NDUFAF5: variants seen among roughly 807,000 people sequenced by gnomAD.
The protein encoded by NDUFAF5 is NADH:ubiquinone oxidoreductase complex assembly factor 5, also known as arginine-hydroxylase NDUFAF5, mitochondrial.
A neutral mutation model predicts 48.9 loss-of-function variants in NDUFAF5; 34 were observed. The ratio of observed to expected loss-of-function variants is 0.70; its 90% CI spans 0.53 to 0.93. NDUFAF5 has a LOEUF of 0.93. Among genes scored for constraint, NDUFAF5 ranks in the 40% least tolerant of loss-of-function variants. The pLI is 0.00. For synonymous variants in NDUFAF5, 153 were observed against 150.6 expected (o/e 1.02, Z -0.12); for missense variants, 428 against 427.5 (o/e 1.00, Z -0.01).
chr20:13,800,902 C>T (rs923038298), intron 6 of NDUFAF5, among the ~76,000 whole-genome samples: 8 of 152,190 alleles, frequency 5.3e-5, no homozygotes, highest in African/African-American at 1.9e-4. Flanking sequence ...TCTCCTCCTC[C>T]TCTAGGCTAG....
intron 8 of NDUFAF5, among the ~76,000 whole-genome samples, chr20:13,814,858 G>A (rs973110539): frequency 3.9e-5 from 6 of 152,166 alleles, no homozygotes; most frequent in African/African-American, 1.2e-4. Context: ...CCAAAGTCCA[G>A]ATTCTTTCCA....
At chr20:13,812,489 A>G (rs1055912091) in intron 8 of NDUFAF5, among the ~76,000 whole-genome samples, 1 of 152,192 alleles carries the variant, frequency 6.6e-6, no homozygotes, top group African/African-American at 2.4e-5. Context: ...TACAGCATTT[A>G]TTTTTGTTCT....
Position 13,820,645 on chromosome 20 carries a change from C to T in NDUFAF5, c.*3435C>T, listed in dbSNP as rs1263334558. On this transcript the variant is annotated 3_prime_UTR_variant, in exon 11 of 11. Transcript: ENST00000378106. Reference sequence around the variant, plus strand: ...GGAGGTCAAGGCTGCAGCAAGCTGTCGCACCACTGCACTCTAGCCTGGGCA... The same window carrying T: ...GGAGGTCAAGGCTGCAGCAAGCTGTTGCACCACTGCACTCTAGCCTGGGCA... 1.3e-5 allele frequency: 2 copies of T among 151,654 alleles called. No homozygotes were observed. The highest frequency in any genetic ancestry group is 2.9e-5 in the Non-Finnish European group (2 of 68,008). The allele number at this position is 151,654 out of a possible 1,614,324, so 9.4% of individuals were successfully genotyped here. A position where few individuals can be genotyped will look rare whatever the true frequency, so the allele number is the denominator to read the frequency against.
intron 7 of NDUFAF5, among the ~76,000 whole-genome samples, chr20:13,802,681 A>G (rs996734487): frequency 6.8e-6 from 1 of 147,174 alleles, no homozygotes; most frequent in African/African-American, 2.4e-5. Flanking sequence ...CAAAAAAAAA[A>G]AAAAAAAAAG....
At chr20:13,797,272 G>A (rs900668974) in intron 5 of NDUFAF5, among the ~76,000 whole-genome samples, 13 of 152,140 alleles carry the variant, frequency 8.5e-5, no homozygotes, top group African/African-American at 1.4e-4. Flanking sequence ...GAAAACTTAC[G>A]TCCACGCAAA....
rs1481144842 is a variant in NDUFAF5, at chr20:13,817,709, G to T, written c.*499G>T. 2.0e-5 allele frequency: 9 copies of T among 453,872 alleles called. No individual in the cohort carries two copies. The highest frequency in any genetic ancestry group is 4.0e-5 in the Non-Finnish European group (9 of 226,790). The allele number at this position is 453,872 out of a possible 1,614,324, so 28.1% of individuals were successfully genotyped here. ...TCTTTTTTATCTCCATGGTGTGGGTGGGACCACCATGGTTTTACACCCCAC... is the reference window on the plus strand; with the variant it reads ...TCTTTTTTATCTCCATGGTGTGGGTTGGACCACCATGGTTTTACACCCCAC... On this transcript the variant is annotated 3_prime_UTR_variant, in exon 11 of 11. Coordinates refer to ENST00000378106, the MANE Select transcript of NDUFAF5 (RefSeq NM_024120.5).
At chr20:13,808,465 T>C (rs1407136666) in intron 7 of NDUFAF5, among the ~76,000 whole-genome samples, 5 of 152,166 alleles carry the variant, frequency 3.3e-5, no homozygotes, top group African/African-American at 1.2e-4. Flanking sequence ...AAGATTGATA[T>C]TGACACTGTC....
Position 13,785,113 on chromosome 20 carries a change from GGC to G in NDUFAF5, c.47_48del (p.Ala16GlyfsTer11). 1 of 1,613,660 alleles carries G rather than the reference GGC, an allele frequency of 6.2e-7. No homozygotes were observed. The highest frequency in any genetic ancestry group is 1.1e-5 in the South Asian group (1 of 91,068). On this transcript the variant is annotated frameshift_variant, in exon 1 of 11. Transcript: ENST00000378106. LOFTEE classifies it high-confidence loss of function. ...TCTGGCGCTTATGTCGGCGACCTTG[GGC>G]GGCGAGGGTCCCAGCGGAGAATCTT... ...GLWRLCRRPW[A>X]ARVPAENLGR...
intron 5 of NDUFAF5, 43 bp downstream of exon 5, chr20:13,794,984 C>G: frequency 7.4e-7 from 1 of 1,353,204 alleles, no homozygotes; most frequent in Non-Finnish European, 1.1e-6. Flanking sequence ...ATAAACAGAT[C>G]ATTCTTGCCA....
intron 1 of NDUFAF5, among the ~76,000 whole-genome samples, chr20:13,786,573 C>G (rs188229989): frequency 7.2e-5 from 11 of 152,142 alleles, no homozygotes; most frequent in African/African-American, 2.2e-4. Context: ...AAAACATCTA[C>G]GCTCCCTTCT....
Position 13,788,571 on chromosome 20 carries a change from C to CT in NDUFAF5, c.264-17dup, listed in dbSNP as rs764089078. 4 of 1,593,802 alleles carry CT rather than the reference C, an allele frequency of 2.5e-6. No individual in the cohort carries two copies. The South Asian group carries it at 4.4e-5, about 18-fold the overall frequency. On this transcript the variant is annotated splice_polypyrimidine_tract_variant and intron_variant, in intron 2 of 10. Transcript: ENST00000378106. ...CTGTGTTATGGACAGAGCATAACCT[C>CT]TGTGTCTTTTTTTTTAGAAATTTCC...
rs75521127 is a variant in NDUFAF5, at chr20:13,810,211, G to A, written c.778+1309G>A. Among the ~76,000 whole-genome samples the A allele has an allele frequency of 5.1e-3, 772 of 152,294 alleles. 5 individuals carry two copies. Among genetic ancestry groups the A allele is most frequent in the African/African-American group, 0.017 (715 of 41,562 alleles). ...TGGCTTGGTACTGAGGCTTTAGCAG[G>A]TGGGTAGTCGACGTCTGAGCCTACA... On this transcript the variant is annotated intron_variant, in intron 8 of 10. Transcript: ENST00000378106.
intron 8 of NDUFAF5, among the ~76,000 whole-genome samples, chr20:13,813,233 A>G (rs970266132): frequency 3.3e-5 from 5 of 152,314 alleles, no homozygotes; most frequent in Middle Eastern, 6.8e-3. Flanking sequence ...TACAGGTGTG[A>G]GTCTCCTAAA....
intron 8 of NDUFAF5, among the ~76,000 whole-genome samples, chr20:13,813,750 G>T (rs185455051): frequency 3.0e-4 from 45 of 152,280 alleles, no homozygotes; most frequent in Non-Finnish European, 2.4e-4. Context: ...GTGGGTTGAG[G>T]TTTAGGGGAG....
At chr20:13,786,027 A>G (rs1981034954) in intron 1 of NDUFAF5, among the ~76,000 whole-genome samples, 1 of 152,174 alleles carries the variant, frequency 6.6e-6, no homozygotes, top group African/African-American at 2.4e-5. Context: ...TTTTAGGAAG[A>G]TCAAATTAAG....
Position 13,817,456 on chromosome 20 carries a change from A to T in NDUFAF5, c.*246A>T. 1 of 612,216 alleles carries T rather than the reference A, an allele frequency of 1.6e-6. No individual in the cohort carries two copies. Among genetic ancestry groups the T allele is most frequent in the Non-Finnish European group, 3.0e-6 (1 of 330,672 alleles). 37.9% of individuals were successfully genotyped at this position (612,216 alleles called of 1,614,324 possible). A position where few individuals can be genotyped will look rare whatever the true frequency, so the allele number is the denominator to read the frequency against. On this transcript the variant is annotated 3_prime_UTR_variant, in exon 11 of 11. Transcript: ENST00000378106. ...CTAAAAGCAAAGAAAATATTTCCCT[A>T]AAATATTTGCAAATAATGTTCACAT...
chr20:13,808,283 C>T (rs1187609721), intron 7 of NDUFAF5, among the ~76,000 whole-genome samples: 2 of 152,174 alleles, frequency 1.3e-5, no homozygotes, highest in African/African-American at 4.8e-5. Context: ...ACTGTACCAA[C>T]AGTTAAGTCC....
At chr20:13,785,311 G>GGCGGGCGAC (rs1313786406) in intron 1 of NDUFAF5, 21 bp downstream of exon 1, 5 of 1,575,750 alleles carry the variant, frequency 3.2e-6, no homozygotes, top group Non-Finnish European at 4.3e-6. Context: ...GGGGCGGCGG[G>GGCGGGCGAC]GCGGCGGGGC....
At chr20:13,792,721 A>G (rs1166892628) in intron 3 of NDUFAF5, among the ~76,000 whole-genome samples, 1 of 152,210 alleles carries the variant, frequency 6.6e-6, no homozygotes. Context: ...TGGTGCAGAA[A>G]TAGCACAGTC....
Sources: allele counts gnomAD v4.1 joint callset (sites outside exome capture counted in the v4.1 genomes callset), GRCh38; gene constraint gnomAD v4.1.1; transcripts MANE v1.5; gene names NCBI Gene and HGNC (gene_info 2026-07-23, HGNC 2026-07-21).